Variants in PAK4 observed in about 807,000 individuals in gnomAD.
PAK4 encodes the protein p21 (RAC1) activated kinase 4, also known as serine/threonine-protein kinase PAK 4.
Under a neutral mutation model 53.5 loss-of-function variants are expected in PAK4, and 49 were observed. That is an observed-to-expected ratio of 0.92 (90% CI 0.73 to 1.16). The LOEUF (loss-of-function observed/expected upper bound fraction) is 1.16. Ranked by LOEUF, PAK4 falls within the 50% of genes most tolerant of loss-of-function variation. PAK4 has a pLI of 0.00. For synonymous variants in PAK4, 376 were observed against 375.6 expected (o/e 1.00, Z -0.01); for missense variants, 824 against 850.7 (o/e 0.97, Z 0.39).
chr19:39,146,896 G>GGGAA (rs1568505286), intron 1 of PAK4, among the ~76,000 whole-genome samples: 1 of 151,152 alleles, frequency 6.6e-6, no homozygotes. Context: ...AGGGAGAGGG[G>GGGAA]GGAAGGAAGG....
At chr19:39,158,331 G>A (rs896970910) in intron 1 of PAK4, among the ~76,000 whole-genome samples, 16 of 152,242 alleles carry the variant, frequency 1.1e-4, no homozygotes, top group African/African-American at 3.6e-4. Flanking sequence ...GCTGCCTGGT[G>A]TATGTCCTGG....
intron 1 of PAK4, among the ~76,000 whole-genome samples, chr19:39,166,560 C>T (rs2074379874): frequency 6.6e-6 from 1 of 152,232 alleles, no homozygotes; most frequent in African/African-American, 2.4e-5. Context: ...ATTGAGGTCC[C>T]CAGGTTGGGT....
intron 1 of PAK4, among the ~76,000 whole-genome samples, chr19:39,130,380 G>T (rs998361877): frequency 6.6e-6 from 1 of 151,888 alleles, no homozygotes; most frequent in Admixed American, 6.6e-5. Flanking sequence ...GGAGGCGCAG[G>T]GACCGTAGGA....
chr19:39,176,056 CCA>C (rs1350939624), intron 6 of PAK4, among the ~76,000 whole-genome samples: 2 of 152,308 alleles, frequency 1.3e-5, no homozygotes. Context: ...CTGAGATTGT[CCA>C]CACACGGTTG....
At chr19:39,156,154 G>T (rs1053933470) in intron 1 of PAK4, among the ~76,000 whole-genome samples, 1 of 152,192 alleles carries the variant, frequency 6.6e-6, no homozygotes, top group Non-Finnish European at 1.5e-5. Context: ...TCATGGGTGA[G>T]GGGGGCAGAG....
chr19:39,129,621 G>GCCCA (rs1411983964), intron 1 of PAK4, among the ~76,000 whole-genome samples: 3 of 147,882 alleles, frequency 2.0e-5, no homozygotes, highest in African/African-American at 5.0e-5. Context: ...AGGTTTATGG[G>GCCCA]CCCACCCACC....
At position 39,175,211 on chromosome 19, in the gene PAK4, G is replaced by T; in HGVS notation, c.1233-101G>T. ...ATTCCTCCCACTCCAGAGTGGGGTC[G>T]AGTGGTCTCAGATTCCTCCCACTGC... On this transcript the variant is annotated intron_variant, in intron 5 of 8. Transcript: ENST00000358301. This position sits in a 1 kb window ranked among gnomAD's most constrained non-coding sequence, Gnocchi z 4.7. 6.8e-7 allele frequency: 1 copy of T among 1,471,840 alleles called. No homozygotes were observed. Among genetic ancestry groups the T allele is most frequent in the Non-Finnish European group, 9.2e-7 (1 of 1,083,632 alleles). 91.2% of individuals were successfully genotyped at this position (1,471,840 alleles called of 1,614,324 possible).
intron 1 of PAK4, among the ~76,000 whole-genome samples, chr19:39,162,016 A>G (rs545236829): frequency 4.6e-5 from 7 of 151,792 alleles, no homozygotes; most frequent in Non-Finnish European, 5.9e-5. Context: ...CTGGAGTGCA[A>G]TGGTGCGATC....
chr19:39,146,503 A>AT (rs1445400774), intron 1 of PAK4, among the ~76,000 whole-genome samples: 1 of 152,246 alleles, frequency 6.6e-6, no homozygotes, highest in African/African-American at 2.4e-5. Flanking sequence ...AGAAAACTTT[A>AT]AATTCTGAGA....
At chr19:39,158,104 A>G (rs894632383) in intron 1 of PAK4, among the ~76,000 whole-genome samples, 3 of 150,510 alleles carry the variant, frequency 2.0e-5, no homozygotes, top group Non-Finnish European at 4.4e-5. Flanking sequence ...GTGTGCATGC[A>G]TGTGAGCATT....
In PAK4 at chr19:39,144,166, TTAGATAGATAGA is replaced by T. The variant is rs57079317; in HGVS notation, c.-23+18266_-23+18277del. ...CAGATAGATAGATAGATAGATTAGATTAGATAGATAGATAGATAGATAGATAGATATGGTTAA... is the reference window on the plus strand; with the variant it reads ...CAGATAGATAGATAGATAGATTAGATTAGATAGATAGATAGATATGGTTAA... On this transcript the variant is annotated intron_variant, in intron 1 of 8. Coordinates refer to ENST00000358301, the Ensembl canonical transcript of PAK4. Among the ~76,000 whole-genome samples the T allele has an allele frequency of 8.8e-4, 118 of 134,760 alleles. 3 individuals carry two copies. The East Asian group carries it at 0.013, about 15-fold the overall frequency. The allele number at this position is 134,760 out of a possible 152,430, so 88.4% of individuals were successfully genotyped here.
At chr19:39,155,404 T>G (rs1600357089) in intron 1 of PAK4, among the ~76,000 whole-genome samples, 1 of 151,040 alleles carries the variant, frequency 6.6e-6, no homozygotes, top group Admixed American at 6.6e-5. Context: ...CAGGGTGGAG[T>G]GCACAGGGCT....
Position 39,169,531 on chromosome 19 carries a change from G to T in PAK4, c.-22-1G>T. 1 of 1,607,996 alleles carries T rather than the reference G, an allele frequency of 6.2e-7. No homozygotes were observed. The highest frequency in any genetic ancestry group is 8.5e-7 in the Non-Finnish European group (1 of 1,175,060). ...TCACCCACCGTGATTCCCTCCCGCA[G>T]GCCGCACCGAGTCCCCGGCACCATG... On this transcript the variant is annotated splice_acceptor_variant, in intron 1 of 8. Transcript: ENST00000358301. LOFTEE classifies it low-confidence loss of function (5UTR_SPLICE).
chr19:39,164,348 A>G (rs1057471402), intron 1 of PAK4, among the ~76,000 whole-genome samples: 3 of 151,274 alleles, frequency 2.0e-5, no homozygotes, highest in African/African-American at 7.3e-5. Context: ...AAGAGCCCTG[A>G]GGAAAGATAA....
downstream of PAK4, chr19:39,182,165 C>T (rs2074706041): frequency 6.6e-6 from 1 of 152,212 alleles, no homozygotes; most frequent in East Asian, 1.9e-4. Flanking sequence ...CGTCTTTTTC[C>T]TTCCTCCTGG....
At chr19:39,158,368 A>G (rs1013707789) in intron 1 of PAK4, among the ~76,000 whole-genome samples, 3 of 152,146 alleles carry the variant, frequency 2.0e-5, no homozygotes, top group African/African-American at 7.2e-5. Flanking sequence ...TGTGTGTTGC[A>G]TGGCAGGGGA....
At chr19:39,151,029 G>A (rs1347723194) in intron 1 of PAK4, among the ~76,000 whole-genome samples, 1 of 152,252 alleles carries the variant, frequency 6.6e-6, no homozygotes, top group East Asian at 1.9e-4. Flanking sequence ...GAAGGAGGCT[G>A]CCTGTGGCCG....
At chr19:39,176,007 G>A (rs2074597535) in intron 6 of PAK4, among the ~76,000 whole-genome samples, 1 of 152,244 alleles carries the variant, frequency 6.6e-6, no homozygotes, top group African/African-American at 2.4e-5. Flanking sequence ...ATCTCCAGAT[G>A]TCTATAGATG....
intron 1 of PAK4, among the ~76,000 whole-genome samples, chr19:39,141,783 C>A (rs1309416085): frequency 6.6e-6 from 1 of 152,028 alleles, no homozygotes; most frequent in African/African-American, 2.4e-5. Context: ...TTACAGGCGC[C>A]CGCCACCACG....
Sources: allele counts gnomAD v4.1 joint callset (sites outside exome capture counted in the v4.1 genomes callset), GRCh38; gene constraint gnomAD v4.1.1; non-coding constraint Gnocchi (gnomAD v3.1); transcripts MANE v1.5; gene names NCBI Gene and HGNC (gene_info 2026-07-23, HGNC 2026-07-21).